EGFLAM: variants seen among roughly 807,000 people sequenced by gnomAD.
The protein encoded by EGFLAM is pikachurin.
EGFLAM carries 79 observed loss-of-function variants against 113.1 expected under a neutral mutation model. The observed-to-expected ratio is 0.70, with a 90% CI of 0.58 to 0.84. The LOEUF is 0.84. Among genes scored for constraint, EGFLAM ranks in the 40% least tolerant of loss-of-function variants. The pLI is 0.00. For synonymous variants in EGFLAM, 504 were observed against 487.6 expected (o/e 1.03, Z -0.44); for missense variants, 1,265 against 1,291.6 (o/e 0.98, Z 0.32).
chr5:38,412,533 T>C lies in EGFLAM; in HGVS notation c.1379T>C (p.Ile460Thr), dbSNP rs1156768253. ...AATTGTGGAACTGGGGTTGCCATCA[T>C]CGTAAGTGAGACCAAAATCAAACTA... ...RFNCGTGVAI[I>T]VSETKIKLGG... Residue 460 changes from isoleucine to threonine, a missense_variant, in exon 11 of 22, where the codon ATC (isoleucine) becomes ACC (threonine). Physicochemically the swap from Ile to Thr is moderately conservative, Grantham distance 89. Coordinates refer to ENST00000322350, the MANE Select transcript of EGFLAM (RefSeq NM_152403.4). The C allele has an allele frequency of 2.5e-6, 4 of 1,614,144 alleles. No individual in the cohort carries two copies. The highest frequency in any genetic ancestry group is 2.2e-5 in the East Asian group (1 of 44,868).
At chr5:38,442,965 T>C (rs564021308) in intron 17 of EGFLAM, among the ~76,000 whole-genome samples, 1 of 152,306 alleles carries the variant, frequency 6.6e-6, no homozygotes, top group East Asian at 1.9e-4. Flanking sequence ...AATATATACT[T>C]TTAAGATGAT....
In EGFLAM at chr5:38,338,605, T is replaced by C. The variant is rs1739253868; in HGVS notation, c.208-93T>C. 2.5e-6 allele frequency: 3 copies of C among 1,217,678 alleles called. No homozygotes were observed. The South Asian group carries it at 3.8e-5, about 15-fold the overall frequency. 75.4% of individuals were successfully genotyped at this position (1,217,678 alleles called of 1,614,324 possible). A position where few individuals can be genotyped will look rare whatever the true frequency, so the allele number is the denominator to read the frequency against. On this transcript the variant is annotated intron_variant, in intron 2 of 21. Coordinates refer to ENST00000322350, the MANE Select transcript of EGFLAM (RefSeq NM_152403.4). ...TGCACGTGATGTTAGGCAACGCACCTCAGAGCCTGCTGCCACTGTGAGTGC... is the reference window on the plus strand; with the variant it reads ...TGCACGTGATGTTAGGCAACGCACCCCAGAGCCTGCTGCCACTGTGAGTGC...
chr5:38,328,847 A>G (rs1035013599), intron 1 of EGFLAM, among the ~76,000 whole-genome samples: 2 of 150,100 alleles, frequency 1.3e-5, no homozygotes, highest in African/African-American at 2.4e-5. Context: ...TTTTGCTGCA[A>G]TTTTTTACCC....
chr5:38,420,912 G>T (rs879564636), intron 12 of EGFLAM, among the ~76,000 whole-genome samples: 7 of 152,184 alleles, frequency 4.6e-5, no homozygotes, highest in Non-Finnish European at 8.8e-5. Context: ...ACTTCCCTCT[G>T]TGAATATTAA....
At chr5:38,327,136 T>C (rs1738911964) in intron 1 of EGFLAM, among the ~76,000 whole-genome samples, 1 of 152,162 alleles carries the variant, frequency 6.6e-6, no homozygotes, top group African/African-American at 2.4e-5. Flanking sequence ...CCTTTTGTTA[T>C]TGACAGCTAA....
chr5:38,273,251 C>T (rs751956130), intron 1 of EGFLAM, among the ~76,000 whole-genome samples: 7 of 152,222 alleles, frequency 4.6e-5, no homozygotes, highest in Non-Finnish European at 1.0e-4. Context: ...GGGCTCACCA[C>T]AGTAAAACCC....
At chr5:38,277,722 A>G (rs1757920397) in intron 1 of EGFLAM, among the ~76,000 whole-genome samples, 1 of 152,212 alleles carries the variant, frequency 6.6e-6, no homozygotes, top group Non-Finnish European at 1.5e-5. Context: ...AGGATACAAA[A>G]TTAACATGCA....
chr5:38,369,786 C>T (rs938498411), intron 5 of EGFLAM, among the ~76,000 whole-genome samples: 2 of 152,180 alleles, frequency 1.3e-5, no homozygotes. Context: ...AGCACATTGG[C>T]GTAGCTGTAT....
At chr5:38,389,180 A>C (rs1000915236) in intron 6 of EGFLAM, among the ~76,000 whole-genome samples, 1 of 152,182 alleles carries the variant, frequency 6.6e-6, no homozygotes, top group Non-Finnish European at 1.5e-5. Context: ...GGGATGATCG[A>C]ACTTGACAGA....
At chr5:38,301,228 G>T (rs1031168387) in intron 1 of EGFLAM, among the ~76,000 whole-genome samples, 1 of 152,134 alleles carries the variant, frequency 6.6e-6, no homozygotes, top group Non-Finnish European at 1.5e-5. Context: ...TTCTCAGGGG[G>T]AATGAAGTAA....
chr5:38,407,978 G>C lies in EGFLAM; in HGVS notation c.1248+73G>C. Reference sequence around the variant, plus strand: ...CAGCAATGTGCTACATTCAAAGGCTGGGGGAGAGGAAGCGGGGCAGCAGGG... The same window carrying C: ...CAGCAATGTGCTACATTCAAAGGCTCGGGGAGAGGAAGCGGGGCAGCAGGG... On this transcript the variant is annotated intron_variant, in intron 9 of 21. Transcript: ENST00000322350. 4 of 1,249,668 alleles carry C rather than the reference G, an allele frequency of 3.2e-6. No homozygotes were observed. In the South Asian group the frequency reaches 3.7e-5, roughly 12 times the overall value. 77.4% of individuals were successfully genotyped at this position (1,249,668 alleles called of 1,614,324 possible). A position where few individuals can be genotyped will look rare whatever the true frequency, so the allele number is the denominator to read the frequency against.
intron 1 of EGFLAM, among the ~76,000 whole-genome samples, chr5:38,284,345 C>A (rs982000539): frequency 1.3e-5 from 2 of 152,132 alleles, no homozygotes; most frequent in African/African-American, 4.8e-5. Flanking sequence ...TCAGACAATA[C>A]ATATTTTGTT....
rs56012054 is a variant in EGFLAM, at chr5:38,302,709, C to CAAA, written c.98-34795_98-34793dup. Among the ~76,000 whole-genome samples, 138 of 115,428 alleles carry CAAA rather than the reference C, an allele frequency of 1.2e-3. 1 individual carries two copies. Among genetic ancestry groups the CAAA allele is most frequent in the Middle Eastern group, 4.7e-3 (1 of 214 alleles). 75.7% of individuals were successfully genotyped at this position (115,428 alleles called of 152,430 possible). On this transcript the variant is annotated intron_variant, in intron 1 of 21. Transcript: ENST00000322350. ...ATTTATTTATAAGTTGTCTGAGAAT[C>CAAA]AAAAAAAAAAAAAAAAAAGAACATG...
chr5:38,271,480 C>T (rs12654591), intron 1 of EGFLAM, among the ~76,000 whole-genome samples: 2 of 152,116 alleles, frequency 1.3e-5, no homozygotes, highest in Admixed American at 6.5e-5. Context: ...CACAATATAG[C>T]CCCAACTCAC....
chr5:38,311,420 A>G (rs964265180), intron 1 of EGFLAM, among the ~76,000 whole-genome samples: 5 of 152,026 alleles, frequency 3.3e-5, no homozygotes, highest in Non-Finnish European at 5.9e-5. Flanking sequence ...TTAAGATCCT[A>G]TATGTAAGTG....
chr5:38,412,315 G>A (rs1741506577), intron 10 of EGFLAM, among the ~76,000 whole-genome samples, 189 bp from the exon 11 acceptor site: 1 of 152,158 alleles, frequency 6.6e-6, no homozygotes, highest in African/African-American at 2.4e-5. Context: ...ACTAGACGGA[G>A]ATCGTCCCCA....
chr5:38,341,300 A>G (rs1232879807), intron 3 of EGFLAM, among the ~76,000 whole-genome samples: 1 of 152,210 alleles, frequency 6.6e-6, no homozygotes, highest in Non-Finnish European at 1.5e-5. Context: ...AGGCCTCAGG[A>G]GACGTACAAC....
intron 1 of EGFLAM, among the ~76,000 whole-genome samples, chr5:38,264,776 ATCT>A (rs1757591471): frequency 2.0e-5 from 3 of 152,288 alleles, no homozygotes; most frequent in South Asian, 4.2e-4. Context: ...TATCAGGGAA[ATCT>A]TTAGCTCACA....
At chr5:38,293,264 G>A (rs1758377145) in intron 1 of EGFLAM, among the ~76,000 whole-genome samples, 6 of 152,200 alleles carry the variant, frequency 3.9e-5, no homozygotes, top group African/African-American at 1.4e-4. Context: ...CAGTTCCTAT[G>A]CCAGTCTCAG....
Sources: allele counts gnomAD v4.1 joint callset (sites outside exome capture counted in the v4.1 genomes callset), GRCh38; gene constraint gnomAD v4.1.1; transcripts MANE v1.5; gene names NCBI Gene and HGNC (gene_info 2026-07-23, HGNC 2026-07-21).